Variants in KLF12 observed in about 807,000 individuals in gnomAD.
KLF12 encodes KLF transcription factor 12.
KLF12 carries 9 observed loss-of-function variants against 37.8 expected under a neutral mutation model. The ratio of observed to expected loss-of-function variants is 0.24; its 90% confidence interval spans 0.14 to 0.42. KLF12 has a LOEUF of 0.42. Among genes scored for constraint, KLF12 ranks in the 10% least tolerant of loss-of-function variants. The pLI is 1.00. For synonymous variants in KLF12, 208 were observed against 202.1 expected (o/e 1.03, Z -0.25); for missense variants, 411 against 516.0 (o/e 0.80, Z 1.97).
chr13:73,973,597 T>G (rs1891408044), intron 2 of KLF12, among the ~76,000 whole-genome samples: 1 of 149,136 alleles, frequency 6.7e-6, no homozygotes, highest in African/African-American at 2.5e-5. Context: ...TGGATAGGTC[T>G]CAACTATAGT....
chr13:74,057,646 C>G (rs1873324410), intron 1 of KLF12, among the ~76,000 whole-genome samples: 1 of 152,284 alleles, frequency 6.6e-6, no homozygotes, highest in East Asian at 1.9e-4. Flanking sequence ...CAAGTCAATT[C>G]AATGGCCAGA....
chr13:74,037,744 AT>A (rs1461224563), intron 1 of KLF12, among the ~76,000 whole-genome samples: 1 of 152,128 alleles, frequency 6.6e-6, no homozygotes. Flanking sequence ...CTTTAAGATA[AT>A]TTTTTTAAAC....
the KLF12 span, among the ~76,000 whole-genome samples, chr13:74,292,569 T>G: frequency 4.6e-5 from 7 of 151,966 alleles, no homozygotes; most frequent in African/African-American, 1.7e-4. Context: ...TCTCCTATAC[T>G]CTATCCAGGC....
the KLF12 span, among the ~76,000 whole-genome samples, chr13:74,220,944 T>C: frequency 6.6e-6 from 1 of 152,188 alleles, no homozygotes; most frequent in Non-Finnish European, 1.5e-5. Flanking sequence ...GTTGTTCTGA[T>C]TTGTCTAGCC....
At chr13:73,985,238 T>C (rs868064904) in intron 2 of KLF12, among the ~76,000 whole-genome samples, 8 of 152,172 alleles carry the variant, frequency 5.3e-5, no homozygotes, top group Admixed American at 3.3e-4. Context: ...CCTACCCAAG[T>C]AGCCACTTCA....
intron 1 of KLF12, among the ~76,000 whole-genome samples, chr13:74,057,212 GATCTTA>G (rs1382474091): frequency 2.0e-5 from 3 of 152,204 alleles, no homozygotes; most frequent in Admixed American, 1.3e-4. Flanking sequence ...TACCCAACAT[GATCTTA>G]ATTTTAAAAA....
chr13:73,770,945 T>C (rs1016162365), intron 5 of KLF12, among the ~76,000 whole-genome samples: 1 of 152,230 alleles, frequency 6.6e-6, no homozygotes, highest in South Asian at 2.1e-4. Flanking sequence ...ATTTCTGATA[T>C]ACACCAACAG....
upstream of KLF12, among the ~76,000 whole-genome samples, chr13:74,135,216 C>T (rs998219970): frequency 2.6e-5 from 4 of 152,020 alleles, no homozygotes; most frequent in Non-Finnish European, 5.9e-5. Flanking sequence ...CTGGCCTCGC[C>T]ACCCCAGCGA....
chr13:74,206,816 C>T, the KLF12 span, among the ~76,000 whole-genome samples: 14 of 152,212 alleles, frequency 9.2e-5, no homozygotes, highest in South Asian at 2.1e-4. Flanking sequence ...AGAACAAAAC[C>T]GAGAACAATG....
the KLF12 span, among the ~76,000 whole-genome samples, chr13:74,185,619 T>G: frequency 3.9e-5 from 6 of 152,276 alleles, no homozygotes; most frequent in Admixed American, 3.3e-4. Flanking sequence ...GTGTCAACAT[T>G]GGCCAGATTA....
chr13:73,804,096 A>C lies in KLF12; in HGVS notation c.806+9056T>G, dbSNP rs147592148. On this transcript the variant is annotated intron_variant, in intron 5 of 7. Coordinates refer to ENST00000377669, the MANE Select transcript of KLF12 (RefSeq NM_007249.5). ...ACCTCTCCAAGCAGCTGCATCTCCCATCTCACCTCCTCACTCACTTGTGCA... is the reference window on the plus strand; with the variant it reads ...ACCTCTCCAAGCAGCTGCATCTCCCCTCTCACCTCCTCACTCACTTGTGCA... 2.4e-3 allele frequency among the ~76,000 whole-genome samples: 360 copies of C among 152,068 alleles called. 5 individuals are homozygous for C. Among genetic ancestry groups the C allele is most frequent in the East Asian group, 0.022 (113 of 5,178 alleles).
chr13:74,084,817 A>T (rs1243942846), intron 1 of KLF12, among the ~76,000 whole-genome samples: 1 of 98,510 alleles, frequency 1.0e-5, no homozygotes, highest in Non-Finnish European at 2.3e-5. Context: ...AGCAACACAA[A>T]GGAGCCAAAA....
the KLF12 span, among the ~76,000 whole-genome samples, chr13:74,154,691 C>A: frequency 3.9e-5 from 6 of 152,102 alleles, no homozygotes; most frequent in African/African-American, 1.2e-4. Flanking sequence ...CCACTAGCTG[C>A]GAGATAATAG....
intron 2 of KLF12, among the ~76,000 whole-genome samples, chr13:73,949,269 T>G (rs1412999305): frequency 3.3e-5 from 5 of 152,186 alleles, no homozygotes; most frequent in Non-Finnish European, 7.3e-5. Context: ...AACACCTTAT[T>G]GAAGGTCCCA....
chr13:73,758,811 C>T (rs1879357579), intron 6 of KLF12, among the ~76,000 whole-genome samples: 1 of 152,082 alleles, frequency 6.6e-6, no homozygotes, highest in Admixed American at 6.6e-5. Context: ...ACAAAATCAG[C>T]TGATACCAGC....
the KLF12 span, chr13:74,258,302 A>G: frequency 1.1e-4 from 16 of 152,036 alleles, no homozygotes; most frequent in African/African-American, 3.6e-4. Context: ...GGGAAACCAG[A>G]TCTTACTCCC....
Position 74,103,537 on chromosome 13 carries a change from T to C in KLF12, c.-32+30202A>G, listed in dbSNP as rs376917105. 1.7e-3 allele frequency among the ~76,000 whole-genome samples: 261 copies of C among 152,292 alleles called. 10 individuals are homozygous for C. In the South Asian group the frequency reaches 0.053, roughly 31 times the overall value. On this transcript the variant is annotated intron_variant, in intron 1 of 7. Coordinates refer to ENST00000377669, the MANE Select transcript of KLF12 (RefSeq NM_007249.5). ...CACTAATATTCTCCTAAAAGTAGCC[T>C]AAGCACACCCCCCAGCGAATTCTGA... is the stretch of plus-strand genomic sequence containing the variant.
intron 3 of KLF12, among the ~76,000 whole-genome samples, chr13:73,879,497 C>T (rs1886877716): frequency 6.6e-6 from 1 of 152,190 alleles, no homozygotes. Flanking sequence ...AAGTTAGACT[C>T]TCCATAATAG....
chr13:74,171,355 T>C, the KLF12 span, among the ~76,000 whole-genome samples: 2 of 152,194 alleles, frequency 1.3e-5, no homozygotes, highest in Admixed American at 1.3e-4. Context: ...CTTGGCATTC[T>C]CAGACGTTCC....
Sources: allele counts gnomAD v4.1 joint callset (sites outside exome capture counted in the v4.1 genomes callset), GRCh38; gene constraint gnomAD v4.1.1; transcripts MANE v1.5; gene names NCBI Gene and HGNC (gene_info 2026-07-23, HGNC 2026-07-21).